DSCAM: variants seen among roughly 807,000 people sequenced by gnomAD.
The protein encoded by DSCAM is cell adhesion molecule DSCAM.
Under a neutral mutation model 217.7 loss-of-function variants are expected in DSCAM, and 47 were observed. The observed-to-expected ratio is 0.22, with a 90% CI of 0.17 to 0.28. The LOEUF (loss-of-function observed/expected upper bound fraction) is 0.28. Ranked by LOEUF, DSCAM falls within the 10% of genes least tolerant of loss-of-function variation. DSCAM has a pLI of 1.00. For synonymous variants in DSCAM, 1,056 were observed against 1,015.3 expected, an observed-to-expected ratio of 1.04 and a Z score of -0.76; for missense variants, 2,080 against 2,618.3, an observed-to-expected ratio of 0.79 and a Z score of 4.49.
intron 3 of DSCAM, among the ~76,000 whole-genome samples, chr21:40,422,882 G>A (rs562430487): frequency 1.8e-4 from 28 of 152,052 alleles, no homozygotes; most frequent in Non-Finnish European, 3.1e-4. Context: ...TAAAATGTTC[G>A]TCTATCCACA....
intron 1 of DSCAM, among the ~76,000 whole-genome samples, chr21:40,799,077 A>G (rs2091716395): frequency 6.6e-6 from 1 of 152,152 alleles, no homozygotes; most frequent in African/African-American, 2.4e-5. Context: ...TAGGCAAAGG[A>G]TGGTATTGAG....
At chr21:40,506,686 C>G (rs181384425) in intron 3 of DSCAM, among the ~76,000 whole-genome samples, 1 of 152,080 alleles carries the variant, frequency 6.6e-6, no homozygotes, top group Admixed American at 6.6e-5. Context: ...GAGTAACAGT[C>G]GTTAGGCTGC....
At chr21:40,668,729 T>C (rs2837774) in intron 3 of DSCAM, among the ~76,000 whole-genome samples, 63,119 of 152,028 alleles carry the variant, frequency 0.42, 13,917 homozygotes, top group East Asian at 0.57. Flanking sequence ...AATTAATAGA[T>C]TGTATTACAG....
At chr21:40,689,065 C>T (rs758723026) in intron 3 of DSCAM, among the ~76,000 whole-genome samples, 2 of 152,172 alleles carry the variant, frequency 1.3e-5, no homozygotes, top group Non-Finnish European at 2.9e-5. Context: ...ACTCATTAAA[C>T]CCTGACAAAC....
chr21:40,819,577 C>T (rs920853468), intron 1 of DSCAM, among the ~76,000 whole-genome samples: 1 of 152,188 alleles, frequency 6.6e-6, no homozygotes, highest in Non-Finnish European at 1.5e-5. Context: ...GTAAAAAAGG[C>T]CCATCTCAGT....
rs144019723 is a variant in DSCAM at position 40,694,936 on chromosome 21, G to C, written c.362-1980C>G. ...GGCATGGTGAGAAGCAGAAGACAGA[G>C]AGGAGAAGAGGAGGATGGAGGACAG... On this transcript the variant is annotated intron_variant, in intron 2 of 32. Transcript: ENST00000400454. Among the ~76,000 whole-genome samples, 95 of 152,316 alleles carry C rather than the reference G, an allele frequency of 6.2e-4. 1 individual carries two copies. In the East Asian group the frequency reaches 0.014, roughly 22 times the overall value.
chr21:40,683,757 C>T (rs1326612334), intron 3 of DSCAM, among the ~76,000 whole-genome samples: 2 of 152,162 alleles, frequency 1.3e-5, no homozygotes, highest in Non-Finnish European at 2.9e-5. Context: ...CTGAAGAAAG[C>T]TGTTCTCAGC....
At chr21:40,317,143 C>T (rs938977634) in intron 8 of DSCAM, among the ~76,000 whole-genome samples, 11 of 152,178 alleles carry the variant, frequency 7.2e-5, no homozygotes, top group Admixed American at 5.2e-4. Flanking sequence ...CAGTGCAAGG[C>T]GTGACTCCGA....
intron 3 of DSCAM, among the ~76,000 whole-genome samples, chr21:40,645,899 T>C (rs1244242372): frequency 3.3e-5 from 5 of 152,202 alleles, no homozygotes; most frequent in Non-Finnish European, 5.9e-5. Context: ...ATCAAAAATA[T>C]TTCCTCTATA....
At chr21:40,538,356 C>G (rs2076516371) in intron 3 of DSCAM, among the ~76,000 whole-genome samples, 1 of 152,172 alleles carries the variant, frequency 6.6e-6, no homozygotes, top group Non-Finnish European at 1.5e-5. Context: ...TCACGCTGTC[C>G]TGTAGGACCC....
intron 20 of DSCAM, among the ~76,000 whole-genome samples, chr21:40,105,540 G>T (rs889448445): frequency 6.6e-6 from 1 of 152,128 alleles, no homozygotes; most frequent in Admixed American, 6.5e-5. Flanking sequence ...CTGCTGCCAC[G>T]TGAAGAAGGA....
At chr21:40,746,744 T>C (rs1387872997) in intron 1 of DSCAM, among the ~76,000 whole-genome samples, 1 of 151,962 alleles carries the variant, frequency 6.6e-6, no homozygotes, top group Non-Finnish European at 1.5e-5. Context: ...TACAGAACTT[T>C]CCACCCAATA....
intron 11 of DSCAM, among the ~76,000 whole-genome samples, chr21:40,225,112 G>A (rs1413210970): frequency 6.6e-6 from 1 of 152,184 alleles, no homozygotes; most frequent in Non-Finnish European, 1.5e-5. Flanking sequence ...ACAGGAGATT[G>A]GCCAGGCCAA....
At chr21:40,182,334 G>A (rs922901126) in intron 14 of DSCAM, among the ~76,000 whole-genome samples, 1 of 152,066 alleles carries the variant, frequency 6.6e-6, no homozygotes, top group Non-Finnish European at 1.5e-5. Flanking sequence ...ACTAGGGGTG[G>A]GAAGACCAAG....
At chr21:40,094,976 C>T (rs1374674900) in intron 20 of DSCAM, among the ~76,000 whole-genome samples, 2 of 152,094 alleles carry the variant, frequency 1.3e-5, no homozygotes, top group Non-Finnish European at 2.9e-5. Context: ...ACAGCGATAC[C>T]ATGGAGTCTG....
At chr21:40,836,441 T>A (rs2092057241) in intron 1 of DSCAM, among the ~76,000 whole-genome samples, 1 of 152,222 alleles carries the variant, frequency 6.6e-6, no homozygotes. Flanking sequence ...TGGCAGGATC[T>A]ACATACCCCT....
At chr21:40,759,338 C>T (rs2091307464) in intron 1 of DSCAM, among the ~76,000 whole-genome samples, 1 of 152,206 alleles carries the variant, frequency 6.6e-6, no homozygotes, top group African/African-American at 2.4e-5. Flanking sequence ...ATTCTCCAAG[C>T]ATCATGGTCA....
At chr21:40,486,771 A>C (rs1568844845) in intron 3 of DSCAM, among the ~76,000 whole-genome samples, 1 of 152,168 alleles carries the variant, frequency 6.6e-6, no homozygotes, top group Non-Finnish European at 1.5e-5. Flanking sequence ...ATGTTCCTTG[A>C]ATGGCTCAAG....
At chr21:40,545,059 T>G (rs974688493) in intron 3 of DSCAM, among the ~76,000 whole-genome samples, 1 of 152,080 alleles carries the variant, frequency 6.6e-6, no homozygotes, top group African/African-American at 2.4e-5. Context: ...GGTGATTAGG[T>G]CATGAGGATG....
Sources: gnomAD v4.1 joint callset for allele counts (sites outside exome capture counted in the v4.1 genomes callset) on GRCh38, gnomAD v4.1.1 for gene constraint, MANE v1.5 for transcripts, NCBI Gene and HGNC (gene_info 2026-07-23, HGNC 2026-07-21) for gene names.